The following ATP8B4 variants were observed in gnomAD, a reference collection of about 807,000 sequenced individuals.
ATP8B4 encodes probable phospholipid-transporting ATPase IM.
In ATP8B4, 133 loss-of-function variants were observed where a neutral mutation model predicts 145.6. The ratio of observed to expected loss-of-function variants is 0.91; its 90% CI spans 0.79 to 1.05. The LOEUF (loss-of-function observed/expected upper bound fraction) is 1.05, where lower values mean the gene tolerates loss of function less well. Among genes scored for constraint, ATP8B4 ranks in the 50% least tolerant of loss-of-function variants. The pLI, the probability that ATP8B4 is intolerant of heterozygous loss-of-function variation, is 0.00. For synonymous variants in ATP8B4, 507 were observed against 492.9 expected (o/e 1.03, Z -0.38); for missense variants, 1,458 against 1,425.2 (o/e 1.02, Z -0.37).
intron 17 of ATP8B4, among the ~76,000 whole-genome samples, chr15:49,921,985 T>C (rs923287324): frequency 6.6e-5 from 10 of 152,204 alleles, no homozygotes; most frequent in Non-Finnish European, 2.9e-5. Flanking sequence ...TGCCTTCCTC[T>C]CTGTTCTGCA....
At chr15:50,163,229 T>A (rs931592513) in intron 1 of ATP8B4, among the ~76,000 whole-genome samples, 3 of 152,250 alleles carry the variant, frequency 2.0e-5, no homozygotes, top group African/African-American at 7.2e-5. Flanking sequence ...ATTGTAGTCT[T>A]CATGGCCTGG....
chr15:49,961,132 CAAA>C (rs11392215), intron 14 of ATP8B4, among the ~76,000 whole-genome samples: 1 of 130,904 alleles, frequency 7.6e-6, no homozygotes, highest in Non-Finnish European at 1.7e-5. Flanking sequence ...GACTCCATCT[CAAA>C]AAAAAAAAAA....
chr15:50,132,670 C>A (rs1461120730), intron 1 of ATP8B4, among the ~76,000 whole-genome samples: 1 of 152,172 alleles, frequency 6.6e-6, no homozygotes, highest in Non-Finnish European at 1.5e-5. Flanking sequence ...GATATGTTTA[C>A]TGCAGCACTA....
At chr15:50,174,017 A>G (rs1189684051) in intron 1 of ATP8B4, among the ~76,000 whole-genome samples, 1 of 152,238 alleles carries the variant, frequency 6.6e-6, no homozygotes, top group Non-Finnish European at 1.5e-5. Flanking sequence ...GTCACACATG[A>G]CATAAACAGA....
At chr15:50,111,733 G>C (rs1400945963) in intron 1 of ATP8B4, among the ~76,000 whole-genome samples, 3 of 152,172 alleles carry the variant, frequency 2.0e-5, no homozygotes, top group Middle Eastern at 3.2e-3. Context: ...GTGGGGACAG[G>C]GCACATAATG....
At chr15:50,125,589 C>A (rs2057302065) in intron 1 of ATP8B4, among the ~76,000 whole-genome samples, 1 of 152,156 alleles carries the variant, frequency 6.6e-6, no homozygotes, top group Admixed American at 6.5e-5. Flanking sequence ...TAGCTCAGAG[C>A]AGTCTGCACT....
chr15:50,068,686 GGTAA>G (rs1345778319), intron 3 of ATP8B4, among the ~76,000 whole-genome samples: 4 of 151,986 alleles, frequency 2.6e-5, no homozygotes, highest in African/African-American at 9.7e-5. Context: ...TTTGAGGCAG[GGTAA>G]GTTTCTCATC....
At position 50,142,010 on chromosome 15, in the gene ATP8B4, G is replaced by A. The variant is rs151191470; in HGVS notation, c.-42-35002C>T. On this transcript the variant is annotated intron_variant, in intron 1 of 3. Coordinates refer to the ATP8B4 transcript ENST00000558829. ...TGAGGGGCTCTTGAAAGACGAATAC[G>A]AGTTTTTCCTAAAATGTAAAAACTG... Among the ~76,000 whole-genome samples the A allele has an allele frequency of 2.1e-3, 324 of 152,260 alleles. 5 individuals carry two copies. In the Middle Eastern group the frequency reaches 0.037, roughly 18 times the overall value.
chr15:49,963,679 G>A (rs2044285109), intron 13 of ATP8B4, among the ~76,000 whole-genome samples: 1 of 152,172 alleles, frequency 6.6e-6, no homozygotes, highest in Non-Finnish European at 1.5e-5. Context: ...AACACTGCAT[G>A]TTCTCACTTA....
intron 20 of ATP8B4, among the ~76,000 whole-genome samples, chr15:49,911,261 T>C (rs2039200545): frequency 6.6e-6 from 1 of 152,084 alleles, no homozygotes; most frequent in Non-Finnish European, 1.5e-5. Context: ...GTGATCTATA[T>C]GCTGCCTACA....
chr15:49,962,420 C>T (rs1298854664), intron 13 of ATP8B4, among the ~76,000 whole-genome samples: 1 of 152,166 alleles, frequency 6.6e-6, no homozygotes, highest in African/African-American at 2.4e-5. Context: ...CAGAACTTTG[C>T]CTATCTTGGT....
chr15:50,179,306 A>G (rs1243874048), intron 1 of ATP8B4, among the ~76,000 whole-genome samples: 1 of 152,222 alleles, frequency 6.6e-6, no homozygotes, highest in African/African-American at 2.4e-5. Context: ...GAGGTTCCCA[A>G]GAGATGTACC....
chr15:50,005,369 T>C (rs1473338385), intron 7 of ATP8B4, among the ~76,000 whole-genome samples: 3 of 152,148 alleles, frequency 2.0e-5, no homozygotes, highest in Non-Finnish European at 4.4e-5. Context: ...AAGAATAAAG[T>C]AAAATGTAAA....
chr15:49,887,332 T>C (rs888376910), intron 23 of ATP8B4, among the ~76,000 whole-genome samples: 1 of 151,950 alleles, frequency 6.6e-6, no homozygotes, highest in African/African-American at 2.4e-5. Flanking sequence ...GCTCGGGCAC[T>C]CTACCACCTC....
At chr15:50,042,828 A>T (rs1292759604) in intron 5 of ATP8B4, among the ~76,000 whole-genome samples, 1 of 152,228 alleles carries the variant, frequency 6.6e-6, no homozygotes, top group Admixed American at 6.5e-5. Context: ...AGCCAATAAT[A>T]TAGATAAGAT....
intron 14 of ATP8B4, among the ~76,000 whole-genome samples, chr15:49,941,546 T>TA (rs904788070): frequency 1.6e-4 from 24 of 151,932 alleles, no homozygotes; most frequent in South Asian, 1.3e-3. Context: ...ATGAATAATT[T>TA]AAAAAAAACC....
chr15:50,071,732 T>C lies in ATP8B4; in HGVS notation c.87+2395A>G, dbSNP rs1429328761. Among the ~76,000 whole-genome samples, 4 of 152,198 alleles carry C rather than the reference T, an allele frequency of 2.6e-5. No homozygotes were observed. In the South Asian group the frequency reaches 6.2e-4, roughly 24 times the overall value. ...AGGAGGCCATACAGAGTGACATTTG[T>C]CACCTTGGGGAATTATAGCCCCTCC... On this transcript the variant is annotated intron_variant, in intron 3 of 27. Transcript: ENST00000284509.
At chr15:50,041,814 C>A (rs1486608436) in intron 5 of ATP8B4, among the ~76,000 whole-genome samples, 13 of 152,066 alleles carry the variant, frequency 8.5e-5, no homozygotes, top group Admixed American at 8.5e-4. Flanking sequence ...GTGGTGCGTG[C>A]CTATAGTCCC....
intron 13 of ATP8B4, among the ~76,000 whole-genome samples, chr15:49,968,949 T>C (rs2044817373): frequency 6.6e-6 from 1 of 152,176 alleles, no homozygotes; most frequent in African/African-American, 2.4e-5. Flanking sequence ...GTAATCAAAG[T>C]AGAACTCAGG....
Sources: allele counts gnomAD v4.1 joint callset (sites outside exome capture counted in the v4.1 genomes callset), GRCh38; gene constraint gnomAD v4.1.1; transcripts MANE v1.5; gene names NCBI Gene and HGNC (gene_info 2026-07-23, HGNC 2026-07-21).